The following ESRP1 variants were observed in gnomAD, a reference collection of about 807,000 sequenced individuals.
ESRP1 encodes epithelial splicing regulatory protein 1.
Under a neutral mutation model 81.7 loss-of-function variants are expected in ESRP1, and 33 were observed. The ratio of observed to expected loss-of-function variants is 0.40; its 90% CI spans 0.31 to 0.54. ESRP1 has a LOEUF of 0.54. ESRP1 is among the 20% of genes least tolerant of loss of function. The pLI, the probability that ESRP1 is intolerant of heterozygous loss-of-function variation, is 0.41. For missense variants in ESRP1, 672 were observed against 833.1 expected, an observed-to-expected ratio of 0.81 and a Z score of 2.38; for synonymous variants, 320 against 303.3, an observed-to-expected ratio of 1.06 and a Z score of -0.57.
At chr8:94,677,202 C>T (rs1239289082) in intron 12 of ESRP1, among the ~76,000 whole-genome samples, 2 of 152,132 alleles carry the variant, frequency 1.3e-5, no homozygotes, top group Non-Finnish European at 2.9e-5. Flanking sequence ...AATGTAGAAA[C>T]TCATAAGAAC....
chr8:94,661,286 C>G (rs1818732415), intron 4 of ESRP1, among the ~76,000 whole-genome samples: 1 of 152,184 alleles, frequency 6.6e-6, no homozygotes, highest in Admixed American at 6.6e-5. Flanking sequence ...AAGAGATCCT[C>G]CCGCCTCGGC....
rs1371855649 is a variant in ESRP1 at position 94,695,045 on chromosome 8, A to G, written c.1972-1807A>G. On this transcript the variant is annotated intron_variant, in intron 14 of 15. Coordinates refer to ENST00000433389, the MANE Select transcript of ESRP1 (RefSeq NM_017697.4). ...TGTATCATTCTTACATAAAACGTGT[A>G]TTTTCTACCGTCTTGAAGAGTACAT... Among the ~76,000 whole-genome samples the G allele has an allele frequency of 2.6e-5, 4 of 152,232 alleles. No individual in the cohort carries two copies. The East Asian group carries it at 7.7e-4, about 29-fold the overall frequency.
intron 4 of ESRP1, among the ~76,000 whole-genome samples, chr8:94,647,505 T>C (rs1586173701): frequency 6.6e-6 from 1 of 152,326 alleles, no homozygotes; most frequent in East Asian, 1.9e-4. Flanking sequence ...CAGGTTCTGG[T>C]GATGGCTCTT....
chr8:94,655,101 T>A (rs1447406870), intron 4 of ESRP1, among the ~76,000 whole-genome samples: 4 of 151,198 alleles, frequency 2.6e-5, no homozygotes, highest in Middle Eastern at 6.3e-3. Context: ...TGTTTTGTTT[T>A]GTTTAGTTTT....
chr8:94,657,753 T>G (rs553615722), intron 4 of ESRP1, among the ~76,000 whole-genome samples: 9 of 152,330 alleles, frequency 5.9e-5, no homozygotes, highest in African/African-American at 1.7e-4. Flanking sequence ...ATGCTTTACA[T>G]TTTTACTTTT....
At chr8:94,684,866 G>A (rs1033071974) in intron 13 of ESRP1, among the ~76,000 whole-genome samples, 1 of 151,816 alleles carries the variant, frequency 6.6e-6, no homozygotes, top group Non-Finnish European at 1.5e-5. Context: ...GACCATCCTG[G>A]GCATGCAAAA....
At chr8:94,705,156 C>CTTTTTTTTTTTTTTTTTTT (rs57801249) in intron 15 of ESRP1, among the ~76,000 whole-genome samples, 2 of 90,560 alleles carry the variant, frequency 2.2e-5, no homozygotes, top group African/African-American at 8.8e-5. Context: ...TGCCTTATTG[C>CTTTTTTTTTTTTTTTTTTT]TTTTTTTTTT....
At chr8:94,673,490 A>G (rs547388188) in intron 11 of ESRP1, among the ~76,000 whole-genome samples, 57 of 152,356 alleles carry the variant, frequency 3.7e-4, no homozygotes, top group African/African-American at 1.2e-3. Context: ...TGAGAAAACC[A>G]TAAAATAAGA....
At chr8:94,703,938 T>C (rs1376682247) in intron 15 of ESRP1, among the ~76,000 whole-genome samples, 1 of 152,174 alleles carries the variant, frequency 6.6e-6, no homozygotes, top group Non-Finnish European at 1.5e-5. Context: ...ATCAATAGTG[T>C]TGGGTCATTG....
chr8:94,682,041 C>T (rs72676929), intron 13 of ESRP1, among the ~76,000 whole-genome samples: 47,418 of 152,128 alleles, frequency 0.31, 8,814 homozygotes, highest in East Asian at 0.56. Context: ...GCTTTTCACC[C>T]CCTTCTCTAC....
chr8:94,655,065 T>TGTG (rs1554575902), intron 4 of ESRP1, among the ~76,000 whole-genome samples: 15 of 147,634 alleles, frequency 1.0e-4, no homozygotes, highest in East Asian at 2.0e-4. Flanking sequence ...TTTGGGTTTT[T>TGTG]TGTGTGTGTG....
Position 94,697,008 on chromosome 8 carries a change from G to A in ESRP1, c.*35+47G>A, listed in dbSNP as rs1586261364. 3 of 1,308,230 alleles carry A rather than the reference G, an allele frequency of 2.3e-6. No homozygotes were observed. The East Asian group carries it at 7.6e-5, about 33-fold the overall frequency. The allele number at this position is 1,308,230 out of a possible 1,614,324, so 81.0% of individuals were successfully genotyped here. On this transcript the variant is annotated intron_variant, in intron 15 of 15. Transcript: ENST00000433389. Reference sequence around the variant, plus strand: ...GTTAAATTATAAAGGGCCAAACAGAGATCAAGATTCTGAAGGCATTTAGAA... The same window carrying A: ...GTTAAATTATAAAGGGCCAAACAGAAATCAAGATTCTGAAGGCATTTAGAA...
intron 15 of ESRP1, among the ~76,000 whole-genome samples, chr8:94,704,305 C>T (rs1278258722): frequency 6.6e-6 from 1 of 151,536 alleles, no homozygotes; most frequent in Non-Finnish European, 1.5e-5. Context: ...TTTTCATTTA[C>T]ATGTCAAAGT....
intron 13 of ESRP1, among the ~76,000 whole-genome samples, chr8:94,687,381 G>A (rs1366164814): frequency 6.6e-6 from 1 of 152,120 alleles, no homozygotes; most frequent in African/African-American, 2.4e-5. Flanking sequence ...TAAGAATAAT[G>A]CTACTTGAAA....
At chr8:94,658,086 A>T (rs1033814100) in intron 4 of ESRP1, among the ~76,000 whole-genome samples, 3 of 152,176 alleles carry the variant, frequency 2.0e-5, no homozygotes, top group African/African-American at 7.2e-5. Flanking sequence ...TAATTTTTGT[A>T]TTTTTAGTCG....
chr8:94,682,474 C>A (rs1808927933), intron 13 of ESRP1, among the ~76,000 whole-genome samples: 1 of 152,154 alleles, frequency 6.6e-6, no homozygotes, highest in Non-Finnish European at 1.5e-5. Context: ...TCAAGCGATC[C>A]TCACGCCTCA....
At chr8:94,694,813 T>C (rs1230080958) in intron 14 of ESRP1, among the ~76,000 whole-genome samples, 1 of 152,184 alleles carries the variant, frequency 6.6e-6, no homozygotes, top group African/African-American at 2.4e-5. Context: ...AACATAACGA[T>C]TGTGCAATAT....
rs139506660 is a variant in ESRP1, at chr8:94,655,060, G to GTTTTTT, written c.491-7211_491-7206dup. ...TATCTGTGTCTGTGAGGTTTTTTGG[G>GTTTTTT]TTTTTTGTGTGTGTGTGTGTGTGTG... On this transcript the variant is annotated intron_variant, in intron 4 of 15. Coordinates refer to ENST00000433389, the MANE Select transcript of ESRP1 (RefSeq NM_017697.4). 4.5e-3 allele frequency among the ~76,000 whole-genome samples: 667 copies of GTTTTTT among 146,660 alleles called. 19 individuals are homozygous for GTTTTTT. Among genetic ancestry groups the GTTTTTT allele is most frequent in the Admixed American group, 0.035 (501 of 14,510 alleles).
At chr8:94,651,059 G>C (rs1401007125) in intron 4 of ESRP1, among the ~76,000 whole-genome samples, 1 of 151,998 alleles carries the variant, frequency 6.6e-6, no homozygotes, top group Non-Finnish European at 1.5e-5. Flanking sequence ...TGGATCATAT[G>C]GGAAGAGTGT....
Sources: gnomAD v4.1 joint callset for allele counts (sites outside exome capture counted in the v4.1 genomes callset) on GRCh38, gnomAD v4.1.1 for gene constraint, MANE v1.5 for transcripts, NCBI Gene and HGNC (gene_info 2026-07-23, HGNC 2026-07-21) for gene names.